The following MED14 variants were observed in gnomAD, a reference collection of about 807,000 sequenced individuals.
The protein encoded by MED14 is mediator complex subunit 14, also known as mediator of RNA polymerase II transcription subunit 14.
A neutral mutation model predicts 109.0 loss-of-function variants in MED14; 8 were observed. The observed-to-expected ratio is 0.07, with a 90% CI of 0.04 to 0.13. The LOEUF (loss-of-function observed/expected upper bound fraction) is 0.13, where lower values mean the gene tolerates loss of function less well. MED14 is among the 10% of genes least tolerant of loss of function. MED14 has a pLI of 1.00. For missense variants in MED14, 711 were observed against 1,142.4 expected (o/e 0.62, Z 5.44); for synonymous variants, 399 against 408.7 (o/e 0.98, Z 0.29).
At position 40,709,973 on chromosome X, in the gene MED14, T is replaced by G. The variant is rs758191616; in HGVS notation, c.1173+6A>C. ...ACCAATATGAAAATATATTGAGATC[T>G]TTTACCTTCATGGCTCTTTCTACTA... On this transcript the variant is annotated splice_donor_region_variant and intron_variant, in intron 9 of 30. Coordinates refer to ENST00000324817, the MANE Select transcript of MED14 (RefSeq NM_004229.4). 9 of 1,157,909 alleles carry G rather than the reference T, an allele frequency of 7.8e-6. No homozygotes were observed. In the South Asian group the frequency reaches 1.6e-4, roughly 20 times the overall value.
intron 12 of MED14, among the ~76,000 whole-genome samples, chrX:40,697,431 G>A (rs1307899005): frequency 3.6e-5 from 4 of 112,089 alleles, no homozygotes; most frequent in Non-Finnish European, 7.5e-5. Flanking sequence ...AGAATTCACT[G>A]TAAGGATGAG....
chrX:40,656,453 G>T (rs188999363), intron 28 of MED14, among the ~76,000 whole-genome samples: 1 of 112,280 alleles, frequency 8.9e-6, no homozygotes, highest in Non-Finnish European at 1.9e-5. Flanking sequence ...CAAGGATGTG[G>T]GAAAAAGCCA....
chrX:40,652,032 G>A (rs1447878306), intron 30 of MED14, among the ~76,000 whole-genome samples, 153 bp from the exon 31 acceptor site: 1 of 112,557 alleles, frequency 8.9e-6, no homozygotes, highest in African/African-American at 3.2e-5. Context: ...TGGGGATTAA[G>A]CTGTGGTGTT....
At chrX:40,675,501 T>C in intron 21 of MED14, 140 bp from the exon 22 acceptor site, 1 of 403,314 alleles carries the variant, frequency 2.5e-6, no homozygotes, top group Non-Finnish European at 3.8e-6. Context: ...AGAAGAAATA[T>C]TGTTAATTTT....
intron 5 of MED14, 68 bp downstream of exon 5, chrX:40,713,710 T>G: frequency 8.8e-7 from 1 of 1,138,853 alleles, no homozygotes; most frequent in Non-Finnish European, 1.2e-6. Flanking sequence ...CCCAAAGTGC[T>G]GAGATTACAG....
rs755431667 is a variant in MED14 at position 40,717,298 on chromosome X, T to TA, written c.349-2589dup. On this transcript the variant is annotated intron_variant, in intron 3 of 30. Coordinates refer to ENST00000324817, the MANE Select transcript of MED14 (RefSeq NM_004229.4). ...ATTGAAAAAAAAAAGAGTTAACACA[T>TA]AAAAAACCTTTAGAACAGTGCCTAG... Among the ~76,000 whole-genome samples, 11 of 108,853 alleles carry TA rather than the reference T, an allele frequency of 1.0e-4. 1 individual carries two copies. The East Asian group carries it at 2.9e-3, about 29-fold the overall frequency. The allele number at this position is 108,853 out of a possible 115,157, so 94.5% of individuals were successfully genotyped here.
At chrX:40,732,198 T>C (rs1322790969) in intron 1 of MED14, among the ~76,000 whole-genome samples, 1 of 112,761 alleles carries the variant, frequency 8.9e-6, no homozygotes, top group Non-Finnish European at 1.9e-5. Flanking sequence ...AAGATGGCAG[T>C]GTGCTAGGCA....
chrX:40,709,465 T>C lies in MED14; in HGVS notation c.1174-6A>G, dbSNP rs759811766. ...TCTATTGATAAGTGGTCGATCTGCA[T>C]AAATAAGAACAACAAATTCAAATGT... is the stretch of plus-strand genomic sequence containing the variant. On this transcript the variant is annotated splice_polypyrimidine_tract_variant and splice_region_variant and intron_variant, in intron 9 of 30. Transcript: ENST00000324817. 3.5e-5 allele frequency: 34 copies of C among 974,132 alleles called. No individual in the cohort carries two copies. The highest frequency in any genetic ancestry group is 5.8e-5 in the African/African-American group (3 of 51,610). 80.3% of individuals were successfully genotyped at this position (974,132 alleles called of 1,213,427 possible).
In MED14 at chrX:40,654,972, G is replaced by A; in HGVS notation, c.4061C>T (p.Thr1354Met). 2 of 1,210,707 alleles carry A rather than the reference G, an allele frequency of 1.7e-6. No homozygotes were observed. The highest frequency in any genetic ancestry group is 2.2e-6 in the Non-Finnish European group (2 of 894,713). The change falls in exon 29 of 31, where the codon ACG (threonine) becomes ATG (methionine). Residue 1354 changes from threonine (T) to methionine (M), a missense_variant. Around this residue, in one of 8 missense-constraint regions of MED14, gnomAD observed 6 missense variants for 44.3 expected, o/e 0.14. Coordinates refer to ENST00000324817, the MANE Select transcript of MED14 (RefSeq NM_004229.4). ...TTTGGATTTCAGCACCACAGCAGGC[G>A]TCCCAGGAGGTGCAATCGGCGGCGC... is the stretch of plus-strand genomic sequence containing the variant. ...PSAPPIAPPG[T>M]PAVVLKSKML...
chrX:40,734,183 T>G (rs1932172143), intron 1 of MED14, among the ~76,000 whole-genome samples: 1 of 112,142 alleles, frequency 8.9e-6, no homozygotes, highest in Admixed American at 9.4e-5. Flanking sequence ...GGTATATCAT[T>G]ATAATAGTCC....
intron 3 of MED14, among the ~76,000 whole-genome samples, chrX:40,716,044 A>G (rs1931510803): frequency 9.0e-6 from 1 of 111,253 alleles, no homozygotes; most frequent in East Asian, 2.8e-4. Flanking sequence ...ATACCTGAAT[A>G]GACATTTCTC....
chrX:40,693,023 AGGT>A, intron 13 of MED14, 121 bp from the exon 14 acceptor site: 3 of 504,344 alleles, frequency 5.9e-6, no homozygotes, highest in Non-Finnish European at 8.7e-6. Flanking sequence ...AAAAAAAAAA[AGGT>A]TAAATCAATC....
intron 28 of MED14, among the ~76,000 whole-genome samples, chrX:40,658,241 C>T (rs187402134): frequency 1.8e-4 from 20 of 110,324 alleles, no homozygotes; most frequent in African/African-American, 5.6e-4. Flanking sequence ...CAGGCTGTGC[C>T]GCCATGCCTA....
chrX:40,725,671 G>A (rs1373292399), intron 3 of MED14, among the ~76,000 whole-genome samples: 1 of 111,449 alleles, frequency 9.0e-6, no homozygotes, highest in Non-Finnish European at 1.9e-5. Flanking sequence ...GGTATAGAAG[G>A]AACATGCCTC....
chrX:40,716,428 A>T lies in MED14; in HGVS notation c.349-1718T>A, dbSNP rs148138695. 3.2e-3 allele frequency among the ~76,000 whole-genome samples: 352 copies of T among 110,416 alleles called. 5 individuals are homozygous for T. Among genetic ancestry groups the T allele is most frequent in the African/African-American group, 0.01 (318 of 30,297 alleles). ...GACAACATAGGGAGACCCTGTCTCT[A>T]CAAAAAATTAAAAAACAAAAAAATT... On this transcript the variant is annotated intron_variant, in intron 3 of 30. Transcript: ENST00000324817.
intron 13 of MED14, 77 bp from the exon 14 acceptor site, chrX:40,692,979 G>A: frequency 1.4e-6 from 1 of 722,267 alleles, no homozygotes; most frequent in Non-Finnish European, 1.9e-6. Context: ...CATCAAGTAA[G>A]GCTCAGAATT....
chrX:40,710,664 A>G (rs183119536), intron 8 of MED14, among the ~76,000 whole-genome samples: 1 of 108,474 alleles, frequency 9.2e-6, no homozygotes, highest in Non-Finnish European at 1.9e-5. Flanking sequence ...TCTTTTAGCT[A>G]TTTGGTATAA....
At chrX:40,658,457 T>G (rs1009496252) in intron 28 of MED14, among the ~76,000 whole-genome samples, 1 of 111,048 alleles carries the variant, frequency 9.0e-6, no homozygotes, top group African/African-American at 3.3e-5. Flanking sequence ...AGGAGTCAGA[T>G]TTTTAAAAAT....
intron 28 of MED14, among the ~76,000 whole-genome samples, chrX:40,656,804 C>T (rs1460552965): frequency 8.9e-6 from 1 of 112,739 alleles, no homozygotes; most frequent in African/African-American, 3.2e-5. Flanking sequence ...GATGCTCCTC[C>T]ATTTCGAGCA....
Sources: allele counts gnomAD v4.1 joint callset (sites outside exome capture counted in the v4.1 genomes callset), GRCh38; gene constraint gnomAD v4.1.1; regional missense constraint gnomAD v4.1.1; transcripts MANE v1.5; gene names NCBI Gene and HGNC (gene_info 2026-07-23, HGNC 2026-07-21).